The following SLC30A10 variants were observed in gnomAD, a reference collection of about 807,000 sequenced individuals.
The protein encoded by SLC30A10 is calcium/manganese antiporter SLC30A10.
A neutral mutation model predicts 21.7 loss-of-function variants in SLC30A10; 8 were observed. That is an observed-to-expected ratio of 0.37 (90% CI 0.22 to 0.67). The LOEUF (loss-of-function observed/expected upper bound fraction) is 0.67, where lower values mean the gene tolerates loss of function less well. Ranked by LOEUF, SLC30A10 falls within the 30% of genes least tolerant of loss-of-function variation. The pLI is 0.58. For missense variants in SLC30A10, 521 were observed against 642.5 expected (o/e 0.81, Z 2.04); for synonymous variants, 272 against 279.4 (o/e 0.97, Z 0.26).
At chr1:219,949,162 C>T (rs1218886591) in intron 1 of SLC30A10, among the ~76,000 whole-genome samples, 3 of 152,228 alleles carry the variant, frequency 2.0e-5, no homozygotes, top group South Asian at 2.1e-4. Flanking sequence ...GTTGGTGGGA[C>T]TGTAAACTAG....
At chr1:219,954,648 T>G (rs1660319881) in intron 1 of SLC30A10, among the ~76,000 whole-genome samples, 2 of 122,604 alleles carry the variant, frequency 1.6e-5, no homozygotes, top group African/African-American at 6.1e-5. Flanking sequence ...ACCACTGCAC[T>G]CTAGCCTGGG....
chr1:219,925,653 T>TATATATATATATATATATATTTA (rs1558253395), intron 2 of SLC30A10, among the ~76,000 whole-genome samples: 1 of 46,302 alleles, frequency 2.2e-5, no homozygotes, highest in Non-Finnish European at 3.6e-5. Flanking sequence ...ATATATATAT[T>TATATATATATATATATATATTTA]TTTTTTTTTT....
At chr1:219,956,247 TG>T (rs35232091) in intron 1 of SLC30A10, among the ~76,000 whole-genome samples, 11,005 of 152,198 alleles carry the variant, frequency 0.072, 412 homozygotes, top group Non-Finnish European at 0.085. Flanking sequence ...CATAGCTCAC[TG>T]CAGCCTCAAA....
At chr1:219,919,298 C>A (rs1659619216) in intron 2 of SLC30A10, among the ~76,000 whole-genome samples, 1 of 152,068 alleles carries the variant, frequency 6.6e-6, no homozygotes, top group East Asian at 1.9e-4. Context: ...AATATAAACA[C>A]AAAGTTTTGG....
At chr1:219,955,517 T>C (rs553368862) in intron 1 of SLC30A10, among the ~76,000 whole-genome samples, 4 of 152,362 alleles carry the variant, frequency 2.6e-5, no homozygotes, top group Middle Eastern at 6.8e-3. Context: ...ACTTTTTTCA[T>C]GAATCCCAGG....
intron 1 of SLC30A10, among the ~76,000 whole-genome samples, chr1:219,939,971 T>C (rs1660099307): frequency 2.0e-5 from 3 of 152,328 alleles, no homozygotes; most frequent in African/African-American, 7.2e-5. Flanking sequence ...ATTGTTTTTC[T>C]AAAGATGGCC....
In SLC30A10 at chr1:219,927,681, A is replaced by AACAAC. The variant is rs1553313728; in HGVS notation, c.640+119_640+120insGTTGT. 27 of 423,968 alleles carry AACAAC rather than the reference A, an allele frequency of 6.4e-5. No homozygotes were observed. The African/African-American group carries it at 6.5e-4, about 10-fold the overall frequency. 26.3% of individuals were successfully genotyped at this position (423,968 alleles called of 1,614,324 possible). ...AAAAAAAAAAAAACAACAACAACAAAAAAAAAAAAACAGAAAAAAAGCATG... is the reference window on the plus strand; with the variant it reads ...AAAAAAAAAAAAACAACAACAACAAAACAACAAAAAAAAAACAGAAAAAAAGCATG... On this transcript the variant is annotated intron_variant, in intron 1 of 3. Transcript: ENST00000366926.
Position 219,953,663 on chromosome 1 carries a change from AATTTTATTTTATTTTATTTTATTTT to A in SLC30A10, n.80+4880_80+4904del, listed in dbSNP as rs372851865. 8.4e-3 allele frequency among the ~76,000 whole-genome samples: 1,140 copies of A among 135,730 alleles called. 13 individuals carry two copies. The highest frequency in any genetic ancestry group is 0.026 in the African/African-American group (947 of 35,886). The allele number at this position is 135,730 out of a possible 152,430, so 89.0% of individuals were successfully genotyped here. On this transcript the variant is annotated intron_variant and non_coding_transcript_variant, in intron 1 of 8. Transcript: ENST00000484239. The stretch of plus-strand genomic sequence containing the variant: ...CTACCTTCAATTATGCAGCTTCTCA[AATTTTATTTTATTTTATTTTATTTT>A]ATTTTATTTTATTTTATTTTATTTT...
In SLC30A10 at chr1:219,915,611, A is replaced by G; in HGVS notation, c.1296T>C (p.Asn432=). The part of the protein sequence containing the change: ...LAHVNGCAEH[N]GGPSLDTYGS... ...CGTATGTGTCTAGAGAGGGCCCACC[A>G]TTGTGCTCAGCACAGCCATTGACGT... Residue 432 remains asparagine, a synonymous_variant, in exon 4 of 4, where the codon AAT becomes AAC. Coordinates refer to ENST00000366926, the MANE Select transcript of SLC30A10 (RefSeq NM_018713.3). 2 of 1,614,190 alleles carry G rather than the reference A, an allele frequency of 1.2e-6. No individual in the cohort carries two copies. Among genetic ancestry groups the G allele is most frequent in the Non-Finnish European group, 1.7e-6 (2 of 1,180,028 alleles).
intron 1 of SLC30A10, among the ~76,000 whole-genome samples, chr1:219,951,107 C>T (rs1432628769): frequency 3.3e-5 from 5 of 152,056 alleles, no homozygotes; most frequent in Non-Finnish European, 7.4e-5. Flanking sequence ...ACTATAGGCA[C>T]GCACCACCAC....
At chr1:219,958,273 G>A (rs1660378710) in intron 1 of SLC30A10, among the ~76,000 whole-genome samples, 1 of 152,090 alleles carries the variant, frequency 6.6e-6, no homozygotes, top group Non-Finnish European at 1.5e-5. Flanking sequence ...CGCTCTCTCT[G>A]TGGCTACGAT....
At chr1:219,959,074 G>A (rs72740995), upstream of SLC30A10, among the ~76,000 whole-genome samples, 2,538 of 152,340 alleles carry the variant, frequency 0.017, 28 homozygotes, top group Non-Finnish European at 0.025. Flanking sequence ...TGAGCTGCTA[G>A]GGAAGCAGCT....
intron 3 of SLC30A10, among the ~76,000 whole-genome samples, chr1:219,917,867 C>A (rs1157608431): frequency 6.6e-6 from 1 of 151,930 alleles, no homozygotes; most frequent in Admixed American, 6.6e-5. Context: ...CGTGCTACCA[C>A]GCCTGGCTAA....
At chr1:219,940,555 T>C (rs1255354312) in intron 1 of SLC30A10, among the ~76,000 whole-genome samples, 1 of 152,198 alleles carries the variant, frequency 6.6e-6, no homozygotes, top group African/African-American at 2.4e-5. Context: ...ATGTGAAAGA[T>C]TGGGAAGCCG....
In SLC30A10 at chr1:219,918,535, G is replaced by GC; in HGVS notation, c.719-42_719-41insG. The GC allele has an allele frequency of 1.3e-6, 2 of 1,534,654 alleles. No individual in the cohort carries two copies. The highest frequency in any genetic ancestry group is 1.3e-5 in the South Asian group (1 of 77,628). On this transcript the variant is annotated intron_variant, in intron 2 of 3. Coordinates refer to ENST00000366926, the MANE Select transcript of SLC30A10 (RefSeq NM_018713.3). The surrounding 1 kb of genome is among the most constrained non-coding windows in gnomAD (Gnocchi z 4.4). ...ACTACTGCAGCACAGATGCAAATCTGGAAGCCACGTGACACTCACTGACTT... is the reference window on the plus strand; with the variant it reads ...ACTACTGCAGCACAGATGCAAATCTGCGAAGCCACGTGACACTCACTGACTT...
chr1:219,941,549 TTTCC>T (rs200512442), intron 1 of SLC30A10, among the ~76,000 whole-genome samples: 528 of 101,354 alleles, frequency 5.2e-3, no homozygotes, highest in African/African-American at 0.024. Context: ...TCCTTCCTTC[TTTCC>T]TTCCTTCCTT....
chr1:219,929,141 T>G (rs915149201), upstream of SLC30A10, among the ~76,000 whole-genome samples: 13 of 152,216 alleles, frequency 8.5e-5, no homozygotes, highest in African/African-American at 3.1e-4. Flanking sequence ...ATAAAGCTAT[T>G]TAATCCTCTC....
upstream of SLC30A10, among the ~76,000 whole-genome samples, chr1:219,929,127 C>A (rs1659925361): frequency 6.6e-6 from 1 of 152,206 alleles, no homozygotes; most frequent in African/African-American, 2.4e-5. Context: ...CCACTAACCC[C>A]AGGATAAAGC....
rs753608293 is a variant in SLC30A10 at position 219,928,246 on chromosome 1, G to C, written c.195C>G (p.Thr65=). Reference sequence around the variant, plus strand: ...AGCCGTAGGTGGCGCTGAAGCCCCGGGTGGGGCGCCGGGCGATGTAGCCGG... The same window carrying C: ...AGCCGTAGGTGGCGCTGAAGCCCCGCGTGGGGCGCCGGGCGATGTAGCCGG... ...LSAGYIARRP[T]RGFSATYGYA... The change falls in exon 1 of 4, where the codon ACC becomes ACG. Residue 65 remains threonine, a synonymous_variant. Coordinates refer to ENST00000366926, the MANE Select transcript of SLC30A10 (RefSeq NM_018713.3). The surrounding 1 kb of genome is among the most constrained non-coding windows in gnomAD (Gnocchi z 6.3). The C allele has an allele frequency of 1.2e-4, 190 of 1,578,948 alleles. No individual in the cohort carries two copies. Among genetic ancestry groups the C allele is most frequent in the Non-Finnish European group, 1.6e-4 (185 of 1,163,270 alleles).
Sources: gnomAD v4.1 joint callset for allele counts (sites outside exome capture counted in the v4.1 genomes callset) on GRCh38, gnomAD v4.1.1 for gene constraint, Gnocchi (gnomAD v3.1) non-coding constraint, MANE v1.5 for transcripts, NCBI Gene and HGNC (gene_info 2026-07-23, HGNC 2026-07-21) for gene names.